Variants in AMPD3 observed in about 807,000 individuals in gnomAD.
AMPD3 encodes AMP deaminase 3.
AMPD3 carries 57 observed loss-of-function variants against 82.3 expected under a neutral mutation model. The ratio of observed to expected loss-of-function variants is 0.69; its 90% confidence interval spans 0.56 to 0.86. AMPD3 has a LOEUF of 0.86. Among genes scored for constraint, AMPD3 ranks in the 40% least tolerant of loss-of-function variants. AMPD3 has a pLI of 0.00. For synonymous variants in AMPD3, 381 were observed against 394.7 expected (o/e 0.97, Z 0.41); for missense variants, 870 against 1,003.8 (o/e 0.87, Z 1.80).
intron 5 of AMPD3, among the ~76,000 whole-genome samples, chr11:10,486,423 G>A (rs1246164638): frequency 6.6e-6 from 1 of 152,190 alleles, no homozygotes; most frequent in African/African-American, 2.4e-5. Flanking sequence ...CAGGTGTGTG[G>A]CTAGGCACCT....
In AMPD3 at chr11:10,482,121, G is replaced by A. The variant is rs886047586; in HGVS notation, c.485G>A (p.Arg162Gln). 18 of 1,614,054 alleles carry A rather than the reference G, an allele frequency of 1.1e-5. No individual in the cohort carries two copies. Among genetic ancestry groups the A allele is most frequent in the African/African-American group, 2.7e-5 (2 of 74,928 alleles). ...AKSLAKALMI[R>Q]EKYARLAYHR... The stretch of plus-strand genomic sequence containing the variant: ...AGTCTGGCCAAGGCCCTAATGATCC[G>A]GGAGAAGTATGCGCGGCTCGCCTAC... Residue 162 changes from arginine (R) to glutamine (Q), a missense_variant, in exon 4 of 15, where the codon CGG becomes CAG. Arg to Gln is a conservative substitution (Grantham distance 43, BLOSUM62 1). Transcript: ENST00000396553.
upstream of AMPD3, chr11:10,450,457 G>C: frequency 1.0e-6 from 1 of 985,684 alleles, no homozygotes; most frequent in Non-Finnish European, 1.2e-6. Flanking sequence ...ACCTGTGCGG[G>C]GCCGAGACCC....
rs1310725877 is a variant in AMPD3, at chr11:10,456,292, CAG to C, written c.-6+845_-6+846del. ...CTCCAGCCGGCAGACAGGACCCAGCCAGCTGCACGCACGCACTGACTCAGCTG... is the reference window on the plus strand; with the variant it reads ...CTCCAGCCGGCAGACAGGACCCAGCCCTGCACGCACGCACTGACTCAGCTG... On this transcript the variant is annotated intron_variant, in intron 1 of 14. Transcript: ENST00000396553. This position sits in a 1 kb window ranked among gnomAD's most constrained non-coding sequence, Gnocchi z 4.3. 6 of 1,594,532 alleles carry C rather than the reference CAG, an allele frequency of 3.8e-6. No individual in the cohort carries two copies. The highest frequency in any genetic ancestry group is 5.1e-6 in the Non-Finnish European group (6 of 1,167,672).
In AMPD3 at chr11:10,506,196, C is replaced by T. The variant is rs554111901; in HGVS notation, c.*312C>T. On this transcript the variant is annotated 3_prime_UTR_variant, in exon 15 of 15. Transcript: ENST00000396553. The surrounding 1 kb of genome is among the most constrained non-coding windows in gnomAD (Gnocchi z 4.1). ...TGAACTGTTGGGGCCAGGATTTTCCCTGGTCAGATGCCAAGTAACATGTGG... is the reference window on the plus strand; with the variant it reads ...TGAACTGTTGGGGCCAGGATTTTCCTTGGTCAGATGCCAAGTAACATGTGG... 74 of 388,678 alleles carry T rather than the reference C, an allele frequency of 1.9e-4. 3 individuals are homozygous for T. Among genetic ancestry groups the T allele is most frequent in the South Asian group, 1.6e-3 (68 of 42,082 alleles). The allele number at this position is 388,678 out of a possible 1,614,324, so 24.1% of individuals were successfully genotyped here.
In AMPD3 at chr11:10,477,406, G is replaced by A. The variant is rs369557162; in HGVS notation, c.222-1120G>A. 7.2e-5 allele frequency among the ~76,000 whole-genome samples: 11 copies of A among 152,328 alleles called. 1 individual carries two copies. The South Asian group carries it at 2.3e-3, about 32-fold the overall frequency. On this transcript the variant is annotated intron_variant, in intron 2 of 14. Transcript: ENST00000396553. Reference sequence around the variant, plus strand: ...GGGAGGCCGGGTTCCACTGGGGGCAGACAGAAACATGAGGTAGGAGAAGAG... The same window carrying A: ...GGGAGGCCGGGTTCCACTGGGGGCAAACAGAAACATGAGGTAGGAGAAGAG...
Position 10,485,137 on chromosome 11 carries a change from T to C in AMPD3, c.809+98T>C, listed in dbSNP as rs149555599. ...CACCCCTCTGCCCTGGGGTCCCCTGTACTTAAAGCATCCCAGAAAGAGCGC... is the reference window on the plus strand; with the variant it reads ...CACCCCTCTGCCCTGGGGTCCCCTGCACTTAAAGCATCCCAGAAAGAGCGC... On this transcript the variant is annotated intron_variant, in intron 5 of 14. Transcript: ENST00000396553. 221 of 1,144,470 alleles carry C rather than the reference T, an allele frequency of 1.9e-4. 1 individual carries two copies. In the East Asian group the frequency reaches 4.8e-3, roughly 25 times the overall value. 70.9% of individuals were successfully genotyped at this position (1,144,470 alleles called of 1,614,324 possible).
At chr11:10,505,572 GA>G (rs1197630341) in intron 14 of AMPD3, 135 bp from the exon 15 acceptor site, 6 of 1,499,344 alleles carry the variant, frequency 4.0e-6, no homozygotes, top group Non-Finnish European at 5.3e-6. Flanking sequence ...GTTCTGTGGG[GA>G]TAAGATGTCC....
At chr11:10,457,880 G>C (rs1176684679) in intron 1 of AMPD3, among the ~76,000 whole-genome samples, 1 of 152,208 alleles carries the variant, frequency 6.6e-6, no homozygotes, top group Non-Finnish European at 1.5e-5. Context: ...GGGCAACTGA[G>C]ACCCTGTCTC....
At chr11:10,501,101 G>C in intron 11 of AMPD3, 24 of 985,404 alleles carry the variant, frequency 2.4e-5, no homozygotes, top group Non-Finnish European at 2.8e-5. Context: ...CCGGGCCTTG[G>C]TTTGCCCATT....
intron 2 of AMPD3, among the ~76,000 whole-genome samples, chr11:10,470,943 C>G (rs1303317984): frequency 6.6e-6 from 1 of 152,158 alleles, no homozygotes; most frequent in African/African-American, 2.4e-5. Flanking sequence ...ACTTTCTTCA[C>G]AGAATTAGAA....
intron 3 of AMPD3, chr11:10,481,785 G>T (rs968660042): frequency 1.5e-5 from 7 of 479,358 alleles, no homozygotes; most frequent in African/African-American, 1.4e-4. Context: ...TAGAGATTCG[G>T]TGCCCAGGGT....
intron 2 of AMPD3, among the ~76,000 whole-genome samples, chr11:10,465,545 C>T (rs114745099): frequency 0.012 from 1,806 of 152,290 alleles, 40 homozygotes; most frequent in African/African-American, 0.041. Context: ...AGTTGGACAG[C>T]GGGTGCAGCC....
At chr11:10,503,856 C>A in intron 13 of AMPD3, 1 of 463,478 alleles carries the variant, frequency 2.2e-6, no homozygotes, top group Non-Finnish European at 2.8e-6. Context: ...TTGGAAAAGA[C>A]AAGACCTTTC....
In AMPD3 at chr11:10,478,634, C is replaced by T; in HGVS notation, c.330C>T (p.Thr110=). Residue 110 remains threonine (T), a synonymous_variant, in exon 3 of 15, where the codon ACC becomes ACT. Coordinates refer to ENST00000396553, the MANE Select transcript of AMPD3 (RefSeq NM_001025389.2). Reference sequence around the variant, plus strand: ...CCAGTCCGGCCATGTCTCCCACAACCCCTGTGGTCACTGGAGCCACTTCCC... The same window carrying T: ...CCAGTCCGGCCATGTCTCCCACAACTCCTGTGGTCACTGGAGCCACTTCCC... ...PAASPAMSPT[T]PVVTGATSLP... is the part of the protein sequence containing the mutation. 1 of 1,614,260 alleles carries T rather than the reference C, an allele frequency of 6.2e-7. No homozygotes were observed. The highest frequency in any genetic ancestry group is 2.2e-5 in the East Asian group (1 of 44,886).
chr11:10,493,879 A>G (rs1849313929), intron 7 of AMPD3, among the ~76,000 whole-genome samples: 1 of 152,230 alleles, frequency 6.6e-6, no homozygotes, highest in Non-Finnish European at 1.5e-5. Context: ...TTAAAAAAAT[A>G]TTAAAACACT....
intron 6 of AMPD3, among the ~76,000 whole-genome samples, chr11:10,492,901 C>T (rs1310368432): frequency 1.3e-5 from 2 of 152,114 alleles, no homozygotes; most frequent in African/African-American, 4.8e-5. Flanking sequence ...TGAAGAAACA[C>T]GTGGGCAAAG....
At chr11:10,489,354 A>G (rs1185446174) in intron 6 of AMPD3, among the ~76,000 whole-genome samples, 1 of 152,200 alleles carries the variant, frequency 6.6e-6, no homozygotes, top group Non-Finnish European at 1.5e-5. Context: ...GCCTGGGGCC[A>G]AGGTGTCCTC....
chr11:10,485,658 T>C (rs1472846228), intron 5 of AMPD3, among the ~76,000 whole-genome samples: 1 of 150,216 alleles, frequency 6.7e-6, no homozygotes, highest in Non-Finnish European at 1.5e-5. Flanking sequence ...TTGCAGAGAG[T>C]TACCAGCCCA....
In AMPD3 at chr11:10,497,655, T is replaced by C. The variant is rs1487049806; in HGVS notation, c.1557+717T>C. ...TGACTGGACAAGCTGAGGGACATCA[T>C]CAAATTTATGTTTTAGACAAACATA... On this transcript the variant is annotated intron_variant, in intron 10 of 14. Coordinates refer to ENST00000396553, the MANE Select transcript of AMPD3 (RefSeq NM_001025389.2). 4.1e-6 allele frequency: 4 copies of C among 985,194 alleles called. No homozygotes were observed. The African/African-American group carries it at 7.0e-5, about 17-fold the overall frequency. 61.0% of individuals were successfully genotyped at this position (985,194 alleles called of 1,614,324 possible).
Sources: gnomAD v4.1 joint callset for allele counts (sites outside exome capture counted in the v4.1 genomes callset) on GRCh38, gnomAD v4.1.1 for gene constraint, Gnocchi (gnomAD v3.1) non-coding constraint, MANE v1.5 for transcripts, NCBI Gene and HGNC (gene_info 2026-07-23, HGNC 2026-07-21) for gene names.